The following TENM4 variants were observed in gnomAD, a reference collection of about 807,000 sequenced individuals.
The protein encoded by TENM4 is teneurin-4.
In TENM4, 82 loss-of-function variants were observed where a neutral mutation model predicts 243.3. The ratio of observed to expected loss-of-function variants is 0.34; its 90% CI spans 0.28 to 0.40. The LOEUF (loss-of-function observed/expected upper bound fraction) is 0.40, where lower values mean the gene tolerates loss of function less well. Ranked by LOEUF, TENM4 falls within the 10% of genes least tolerant of loss-of-function variation. The pLI is 1.00. For missense variants in TENM4, 3,138 were observed against 3,673.3 expected (o/e 0.85, Z 3.77); for synonymous variants, 1,412 against 1,456.3 (o/e 0.97, Z 0.69).
chr11:79,275,329 A>C (rs1856037044), intron 2 of TENM4, among the ~76,000 whole-genome samples: 2 of 152,144 alleles, frequency 1.3e-5, no homozygotes, highest in Admixed American at 1.3e-4. Context: ...TCTCAGACGC[A>C]AGCCACATGC....
chr11:79,030,207 T>C (rs1859190819), intron 6 of TENM4, among the ~76,000 whole-genome samples: 1 of 152,184 alleles, frequency 6.6e-6, no homozygotes, highest in Non-Finnish European at 1.5e-5. Flanking sequence ...CTAAGCCACT[T>C]ACATGGATTA....
At chr11:78,819,638 A>C (rs1038184547) in intron 12 of TENM4, among the ~76,000 whole-genome samples, 3 of 152,156 alleles carry the variant, frequency 2.0e-5, no homozygotes, top group Admixed American at 6.5e-5. Context: ...AGACAGAAGG[A>C]ACCAGCTTTG....
chr11:79,409,851 T>C (rs1190815781), intron 1 of TENM4, among the ~76,000 whole-genome samples: 2 of 152,150 alleles, frequency 1.3e-5, no homozygotes, highest in Non-Finnish European at 2.9e-5. Context: ...GGAACAATAG[T>C]CCAGCAAATG....
intron 3 of TENM4, among the ~76,000 whole-genome samples, chr11:79,186,857 A>G (rs1273080979): frequency 2.0e-5 from 3 of 152,238 alleles, no homozygotes; most frequent in Non-Finnish European, 2.9e-5. Context: ...TATTATGCAC[A>G]CAGCTCTAAT....
At chr11:78,671,878 T>A (rs577958088) in intron 31 of TENM4, among the ~76,000 whole-genome samples, 155 bp downstream of exon 31, 1 of 152,358 alleles carries the variant, frequency 6.6e-6, no homozygotes, top group African/African-American at 2.4e-5. Context: ...TGATGCCTCT[T>A]GGGACCCCAT....
intron 4 of TENM4, among the ~76,000 whole-genome samples, chr11:79,099,145 G>T (rs1861158293): frequency 6.6e-6 from 1 of 152,104 alleles, no homozygotes; most frequent in South Asian, 2.1e-4. Flanking sequence ...CCTGTTGGAG[G>T]AGCTCCGTTC....
intron 6 of TENM4, among the ~76,000 whole-genome samples, chr11:78,921,318 G>A (rs1046447439): frequency 5.3e-5 from 8 of 152,230 alleles, no homozygotes; most frequent in African/African-American, 1.9e-4. Context: ...GCTGAGGTCT[G>A]GAGAGGGAGT....
intron 1 of TENM4, among the ~76,000 whole-genome samples, chr11:79,347,527 C>T (rs1167246602): frequency 6.6e-6 from 1 of 152,146 alleles, no homozygotes; most frequent in African/African-American, 2.4e-5. Flanking sequence ...GGGCTCAGTG[C>T]CTCCCCAGGG....
chr11:79,232,064 G>A (rs1219770672), intron 2 of TENM4, among the ~76,000 whole-genome samples: 1 of 152,020 alleles, frequency 6.6e-6, no homozygotes, highest in Non-Finnish European at 1.5e-5. Flanking sequence ...TGAGGGACAG[G>A]GTGAGACTGT....
At chr11:79,395,608 C>T (rs1858327373) in intron 1 of TENM4, among the ~76,000 whole-genome samples, 2 of 152,168 alleles carry the variant, frequency 1.3e-5, no homozygotes, top group Non-Finnish European at 2.9e-5. Flanking sequence ...ATTACTCAGC[C>T]CAGGGGCTTT....
intron 4 of TENM4, among the ~76,000 whole-genome samples, chr11:79,111,145 T>A (rs1426962462): frequency 6.6e-6 from 1 of 152,154 alleles, no homozygotes; most frequent in Non-Finnish European, 1.5e-5. Flanking sequence ...GGAAACCCCT[T>A]TCGCTTGCTC....
At chr11:79,276,799 C>T (rs1286282547) in intron 2 of TENM4, among the ~76,000 whole-genome samples, 1 of 152,108 alleles carries the variant, frequency 6.6e-6, no homozygotes, top group Non-Finnish European at 1.5e-5. Flanking sequence ...TCCCAGCAGC[C>T]TTTTTCCTCT....
chr11:78,929,650 G>A (rs1317905308), intron 6 of TENM4, among the ~76,000 whole-genome samples: 1 of 152,112 alleles, frequency 6.6e-6, no homozygotes, highest in Non-Finnish European at 1.5e-5. Context: ...GAGGGAACCT[G>A]GTTATAATGG....
intron 6 of TENM4, among the ~76,000 whole-genome samples, chr11:79,056,205 C>T (rs974921075): frequency 4.6e-5 from 7 of 152,290 alleles, no homozygotes; most frequent in Middle Eastern, 3.4e-3. Context: ...AATTGAAAAT[C>T]GTGTTGTCTC....
chr11:78,919,021 T>G (rs1406220805), intron 6 of TENM4, among the ~76,000 whole-genome samples: 1 of 152,146 alleles, frequency 6.6e-6, no homozygotes, highest in Admixed American at 6.5e-5. Flanking sequence ...AGATTGAAGC[T>G]TAAATGAGAG....
intron 7 of TENM4, among the ~76,000 whole-genome samples, chr11:78,901,555 T>G (rs947583268): frequency 6.6e-6 from 1 of 152,112 alleles, no homozygotes; most frequent in Non-Finnish European, 1.5e-5. Context: ...AGACTCAGAA[T>G]AGGAAGTTCT....
intron 26 of TENM4, among the ~76,000 whole-genome samples, chr11:78,711,326 G>T (rs1238356819): frequency 6.6e-6 from 1 of 152,180 alleles, no homozygotes; most frequent in East Asian, 1.9e-4. Context: ...ACTGCGCTAA[G>T]CATTTACATT....
At chr11:79,080,410 C>T (rs1324087629) in intron 4 of TENM4, among the ~76,000 whole-genome samples, 1 of 152,234 alleles carries the variant, frequency 6.6e-6, no homozygotes. Flanking sequence ...GGCACTGCAT[C>T]AGGTGGGGTG....
chr11:79,233,056 G>C (rs1864400566), intron 2 of TENM4, among the ~76,000 whole-genome samples: 1 of 152,198 alleles, frequency 6.6e-6, no homozygotes, highest in Non-Finnish European at 1.5e-5. Flanking sequence ...GCAATGCAGG[G>C]TCAAGCCTTT....
Sources: gnomAD v4.1 joint callset for allele counts (sites outside exome capture counted in the v4.1 genomes callset) on GRCh38, gnomAD v4.1.1 for gene constraint, MANE v1.5 for transcripts, NCBI Gene and HGNC (gene_info 2026-07-23, HGNC 2026-07-21) for gene names.